Variants in OTUD7B observed in about 807,000 individuals in gnomAD.
The protein encoded by OTUD7B is OTU domain-containing protein 7B.
A neutral mutation model predicts 82.2 loss-of-function variants in OTUD7B; 34 were observed. That is an observed-to-expected ratio of 0.41 (90% CI 0.31 to 0.55). The LOEUF (loss-of-function observed/expected upper bound fraction) is 0.55, where lower values mean the gene tolerates loss of function less well. Among genes scored for constraint, OTUD7B ranks in the 20% least tolerant of loss-of-function variants. The pLI is 0.20. For synonymous variants in OTUD7B, 398 were observed against 402.7 expected (o/e 0.99, Z 0.14); for missense variants, 944 against 1,062.1 (o/e 0.89, Z 1.55).
chr1:150,003,167 G>A (rs587652078), intron 1 of OTUD7B, among the ~76,000 whole-genome samples: 9 of 151,208 alleles, frequency 6.0e-5, no homozygotes, highest in South Asian at 2.1e-4. Flanking sequence ...GGAGAATGGC[G>A]TGAACCCGGG....
In OTUD7B at chr1:150,003,142, C is replaced by T. The variant is rs143367816; in HGVS notation, c.-67+7306G>A. Among the ~76,000 whole-genome samples the T allele has an allele frequency of 4.7e-5, 7 of 150,288 alleles. No individual in the cohort carries two copies. The East Asian group carries it at 1.4e-3, about 30-fold the overall frequency. On this transcript the variant is annotated intron_variant, in intron 1 of 11. Coordinates refer to ENST00000581312, the MANE Select transcript of OTUD7B (RefSeq NM_020205.4). ...GCGGGCGCCTGTAGTCCCAGCAACT[C>T]GGGAGGCTGAGGCAGGAGAATGGCG... is the stretch of plus-strand genomic sequence containing the variant.
intron 1 of OTUD7B, among the ~76,000 whole-genome samples, chr1:149,985,108 C>T (rs1651039035): frequency 6.6e-6 from 1 of 152,134 alleles, no homozygotes; most frequent in Non-Finnish European, 1.5e-5. Context: ...AAGCCTAAGA[C>T]TCAAATTCCT....
intron 1 of OTUD7B, among the ~76,000 whole-genome samples, chr1:150,000,586 C>G (rs1418087098): frequency 2.6e-5 from 4 of 152,086 alleles, no homozygotes; most frequent in Non-Finnish European, 5.9e-5. Flanking sequence ...TACCTGTAGA[C>G]ACATCTGAAA....
chr1:150,022,428 TA>T, the OTUD7B span, among the ~76,000 whole-genome samples: 118,908 of 119,074 alleles, frequency 1, 59,382 homozygotes, highest in Non-Finnish European at 1. Flanking sequence ...AAAAAATAAC[TA>T]CATGCTGAAG....
chr1:150,014,068 G>A (rs1236808692), upstream of OTUD7B, among the ~76,000 whole-genome samples: 7 of 28,656 alleles, frequency 2.4e-4, no homozygotes, highest in African/African-American at 8.9e-4. Context: ...ATGTGTGTGT[G>A]TGTGTGTGTG....
rs1296913338 is a variant in OTUD7B at position 149,938,483 on chromosome 1, A to AAAAC, written c.*5373_*5374insGTTT. ...CGCAAAAAAAAAAAAAAAAAAAAAG[A>AAAAC]CATAGGAAGAGGTGTGTACCATAAC... On this transcript the variant is annotated 3_prime_UTR_variant, in exon 12 of 12. Coordinates refer to ENST00000581312, the MANE Select transcript of OTUD7B (RefSeq NM_020205.4). 1.2e-5 allele frequency: 1 copy of AAAAC among 82,914 alleles called. No individual in the cohort carries two copies. Among genetic ancestry groups the AAAAC allele is most frequent in the Non-Finnish European group, 2.1e-5 (1 of 47,568 alleles). 5.1% of individuals were successfully genotyped at this position (82,914 alleles called of 1,614,324 possible).
chr1:150,037,877 T>G, the OTUD7B span, among the ~76,000 whole-genome samples: 1 of 152,136 alleles, frequency 6.6e-6, no homozygotes, highest in Non-Finnish European at 1.5e-5. Context: ...GTAGCTTTGT[T>G]TGTTTTTTTC....
the OTUD7B span, among the ~76,000 whole-genome samples, chr1:150,038,420 T>C: frequency 6.6e-6 from 1 of 152,160 alleles, no homozygotes; most frequent in Non-Finnish European, 1.5e-5. Flanking sequence ...AGGGTCTCAC[T>C]GTGTTGCCCA....
the OTUD7B span, among the ~76,000 whole-genome samples, chr1:150,066,754 G>A: frequency 1.3e-5 from 2 of 152,138 alleles, no homozygotes; most frequent in East Asian, 1.9e-4. The surrounding 1 kb of genome is among the most constrained non-coding windows in gnomAD (Gnocchi z 4.6). Flanking sequence ...CAAAGTAAAG[G>A]TGCGAAAAAC....
intron 1 of OTUD7B, among the ~76,000 whole-genome samples, chr1:150,002,183 C>T (rs776846237): frequency 2.1e-4 from 31 of 145,746 alleles, no homozygotes; most frequent in Non-Finnish European, 4.2e-4. Flanking sequence ...TTTCCCTGAA[C>T]TTTTCTAAAT....
chr1:149,945,170 G>A (rs1377569360), intron 11 of OTUD7B, 105 bp from the exon 12 acceptor site: 11 of 1,437,404 alleles, frequency 7.7e-6, no homozygotes, highest in Non-Finnish European at 1.0e-5. Flanking sequence ...GCTCCCTGCA[G>A]CCATGGCTAT....
At chr1:149,974,503 C>G (rs1192115850) in intron 2 of OTUD7B, among the ~76,000 whole-genome samples, 2 of 150,964 alleles carry the variant, frequency 1.3e-5, no homozygotes, top group Non-Finnish European at 2.9e-5. Flanking sequence ...TACAAAGGCC[C>G]TACACTCTTT....
At chr1:150,040,072 A>G in the OTUD7B span, among the ~76,000 whole-genome samples, 5 of 152,348 alleles carry the variant, frequency 3.3e-5, no homozygotes, top group African/African-American at 1.2e-4. Flanking sequence ...AAAGCCTTCT[A>G]ACGTTTCATA....
the OTUD7B span, among the ~76,000 whole-genome samples, chr1:150,031,489 TA>T: frequency 6.6e-6 from 1 of 152,250 alleles, no homozygotes; most frequent in African/African-American, 2.4e-5. Context: ...AGCACATGCC[TA>T]GGCAATAAAT....
intron 1 of OTUD7B, among the ~76,000 whole-genome samples, chr1:150,001,332 C>T (rs1302514650): frequency 1.3e-5 from 2 of 152,068 alleles, no homozygotes; most frequent in African/African-American, 4.8e-5. Context: ...GGAGTCAACA[C>T]AAAAACAGTC....
At chr1:150,010,760 G>A (rs1231145070), upstream of OTUD7B, 1 of 152,184 alleles carries the variant, frequency 6.6e-6, no homozygotes, top group Non-Finnish European at 1.5e-5. Flanking sequence ...ACAGGCGCCA[G>A]TTTCCGGCCG....
the OTUD7B span, among the ~76,000 whole-genome samples, chr1:150,022,022 G>A: frequency 0.024 from 3,707 of 152,102 alleles, 63 homozygotes; most frequent in Middle Eastern, 0.037. Flanking sequence ...CTGCTTCCCA[G>A]CCTGAGCCTG....
chr1:150,030,065 C>T, the OTUD7B span, among the ~76,000 whole-genome samples: 1 of 152,214 alleles, frequency 6.6e-6, no homozygotes, highest in Admixed American at 6.5e-5. Flanking sequence ...ATTCTAAGTA[C>T]AGCTGGGGAA....
chr1:150,054,208 T>C, the OTUD7B span: 1 of 420,606 alleles, frequency 2.4e-6, no homozygotes, highest in East Asian at 6.4e-5. Flanking sequence ...CTACATATTA[T>C]CTTACTGAAG....
Sources: gnomAD v4.1 joint callset for allele counts (sites outside exome capture counted in the v4.1 genomes callset) on GRCh38, gnomAD v4.1.1 for gene constraint, Gnocchi (gnomAD v3.1) non-coding constraint, MANE v1.5 for transcripts, NCBI Gene and HGNC (gene_info 2026-07-23, HGNC 2026-07-21) for gene names.